The following CDH13 variants were observed in gnomAD, a reference collection of about 807,000 sequenced individuals.
The protein encoded by CDH13 is cadherin-13.
A neutral mutation model predicts 63.8 loss-of-function variants in CDH13; 24 were observed. That is an observed-to-expected ratio of 0.38 (90% confidence interval 0.27 to 0.53). The LOEUF is 0.53. Ranked by LOEUF, CDH13 falls within the 20% of genes least tolerant of loss-of-function variation. The pLI is 0.85. For missense variants in CDH13, 1,049 were observed against 903.1 expected, an observed-to-expected ratio of 1.16 and a Z score of -2.07; for synonymous variants, 503 against 355.3, an observed-to-expected ratio of 1.42 and a Z score of -4.67.
In CDH13 at chr16:83,053,440, A is replaced by G. The variant is rs1002318035; in HGVS notation, c.366+21222A>G. Reference sequence around the variant, plus strand: ...CATTAGGATAATGCAGATAAGATCAATTCACAGTAAGAAGATTTATCAAGG... The same window carrying G: ...CATTAGGATAATGCAGATAAGATCAGTTCACAGTAAGAAGATTTATCAAGG... On this transcript the variant is annotated intron_variant, in intron 3 of 13. Transcript: ENST00000567109. 3.3e-5 allele frequency among the ~76,000 whole-genome samples: 5 copies of G among 152,284 alleles called. No individual in the cohort carries two copies. In the South Asian group the frequency reaches 6.2e-4, roughly 19 times the overall value.
intron 1 of CDH13, among the ~76,000 whole-genome samples, chr16:82,754,891 T>C (rs751666316): frequency 1.3e-5 from 2 of 152,228 alleles, no homozygotes; most frequent in Non-Finnish European, 2.9e-5. Flanking sequence ...GAAAGGTATT[T>C]TTGGTTCATT....
intron 6 of CDH13, among the ~76,000 whole-genome samples, chr16:83,485,003 G>A (rs533192887): frequency 1.3e-5 from 2 of 152,242 alleles, no homozygotes; most frequent in African/African-American, 4.8e-5. Context: ...TTCTCTTCTG[G>A]TGCTGAACCC....
chr16:82,767,552 T>G (rs2035101262), intron 1 of CDH13, among the ~76,000 whole-genome samples: 1 of 152,242 alleles, frequency 6.6e-6, no homozygotes, highest in Non-Finnish European at 1.5e-5. Context: ...AAATTCCCTG[T>G]GCCAAACACA....
At chr16:83,623,123 A>G (rs1341930635) in intron 8 of CDH13, among the ~76,000 whole-genome samples, 2 of 152,164 alleles carry the variant, frequency 1.3e-5, no homozygotes, top group Non-Finnish European at 2.9e-5. Context: ...GGTTAGCACA[A>G]TCCAGGAAGA....
At chr16:83,593,589 T>C (rs1393470921) in intron 7 of CDH13, among the ~76,000 whole-genome samples, 5 of 151,242 alleles carry the variant, frequency 3.3e-5, no homozygotes, top group Non-Finnish European at 7.4e-5. Flanking sequence ...TATATTTATG[T>C]AATAGTGTAT....
At chr16:82,786,373 A>T (rs928799661) in intron 1 of CDH13, among the ~76,000 whole-genome samples, 2 of 152,040 alleles carry the variant, frequency 1.3e-5, no homozygotes, top group Non-Finnish European at 2.9e-5. Flanking sequence ...AATCACTTCC[A>T]AAAGTGTCTA....
chr16:83,788,238 G>C (rs1042594055), intron 13 of CDH13, among the ~76,000 whole-genome samples: 2 of 152,146 alleles, frequency 1.3e-5, no homozygotes, highest in African/African-American at 4.8e-5. Context: ...TCACGGTTCA[G>C]CTACTCGGGA....
At chr16:82,998,168 C>T (rs998247428) in intron 2 of CDH13, among the ~76,000 whole-genome samples, 6 of 152,144 alleles carry the variant, frequency 3.9e-5, no homozygotes, top group South Asian at 2.1e-4. Flanking sequence ...TTTTATATTT[C>T]GTCATACAGA....
chr16:83,691,614 AG>A lies in CDH13; in HGVS notation c.1538+13154del, dbSNP rs1415909962. ...GGTGGGTCACAAGGTCAGGAGTTCAAGACCAGCACAGTTCCGTACAACGGTG... is the reference window on the plus strand; with the variant it reads ...GGTGGGTCACAAGGTCAGGAGTTCAAACCAGCACAGTTCCGTACAACGGTG... On this transcript the variant is annotated intron_variant, in intron 10 of 13. Coordinates refer to ENST00000567109, the MANE Select transcript of CDH13 (RefSeq NM_001257.5). 3.3e-5 allele frequency among the ~76,000 whole-genome samples: 5 copies of A among 152,080 alleles called. No homozygotes were observed. In the East Asian group the frequency reaches 9.7e-4, roughly 29 times the overall value.
At chr16:82,791,738 C>T (rs564470381) in intron 1 of CDH13, among the ~76,000 whole-genome samples, 9 of 152,308 alleles carry the variant, frequency 5.9e-5, no homozygotes, top group Admixed American at 3.9e-4. Context: ...CCATTGTTCC[C>T]GCAAGGCTAA....
chr16:83,781,138 C>G (rs912614443), intron 12 of CDH13, among the ~76,000 whole-genome samples: 1 of 152,158 alleles, frequency 6.6e-6, no homozygotes, highest in Non-Finnish European at 1.5e-5. Context: ...AATGTCTCCT[C>G]CCACAAGTCC....
chr16:82,635,528 A>G lies in CDH13; in HGVS notation c.45+8391A>G, dbSNP rs140092214. 1.3e-3 allele frequency among the ~76,000 whole-genome samples: 192 copies of G among 152,246 alleles called. 2 individuals carry two copies. The highest frequency in any genetic ancestry group is 2.2e-3 in the Non-Finnish European group (147 of 67,996). ...GAATATTGGTGTTTTTCTCAGAGCA[A>G]GTGGCAGCCATTGAGGGTACTGAGG... On this transcript the variant is annotated intron_variant, in intron 1 of 13. Transcript: ENST00000567109.
At chr16:83,211,228 C>G (rs752201645) in intron 4 of CDH13, among the ~76,000 whole-genome samples, 2 of 151,662 alleles carry the variant, frequency 1.3e-5, no homozygotes, top group Non-Finnish European at 2.9e-5. Context: ...AGTCAAGTAT[C>G]AGTGTTAATT....
At chr16:83,629,919 T>C (rs765622491) in intron 8 of CDH13, among the ~76,000 whole-genome samples, 1 of 152,192 alleles carries the variant, frequency 6.6e-6, no homozygotes, top group Non-Finnish European at 1.5e-5. Context: ...GATGGGACAG[T>C]CTAGAACCAT....
chr16:83,031,965 G>T, intron 2 of CDH13, 45 bp from the exon 3 acceptor site: 1 of 1,464,936 alleles, frequency 6.8e-7, no homozygotes, highest in Non-Finnish European at 9.4e-7. Context: ...GAGATAAGCT[G>T]CCCAACCTAC....
chr16:82,889,782 T>C (rs2041015727), intron 2 of CDH13, among the ~76,000 whole-genome samples: 1 of 152,202 alleles, frequency 6.6e-6, no homozygotes, highest in Non-Finnish European at 1.5e-5. Flanking sequence ...CATTTGAAAG[T>C]CCATTTCTTT....
intron 7 of CDH13, among the ~76,000 whole-genome samples, chr16:83,600,078 T>G (rs1229846475): frequency 6.6e-6 from 1 of 152,152 alleles, no homozygotes; most frequent in East Asian, 1.9e-4. Context: ...TTCAAGCATC[T>G]ATACCGAGAG....
intron 8 of CDH13, among the ~76,000 whole-genome samples, chr16:83,632,274 C>A (rs62040229): frequency 1.0e-3 from 3 of 3,012 alleles, no homozygotes; most frequent in Non-Finnish European, 3.0e-3. Flanking sequence ...AGAGACGTGT[C>A]CTACAGTGAA....
intron 3 of CDH13, among the ~76,000 whole-genome samples, chr16:83,072,579 A>G (rs975301736): frequency 2.0e-5 from 3 of 152,208 alleles, no homozygotes; most frequent in African/African-American, 4.8e-5. Context: ...ACTTGAAGTC[A>G]GAACAGTTGG....
Sources: gnomAD v4.1 joint callset for allele counts (sites outside exome capture counted in the v4.1 genomes callset) on GRCh38, gnomAD v4.1.1 for gene constraint, MANE v1.5 for transcripts, NCBI Gene and HGNC (gene_info 2026-07-23, HGNC 2026-07-21) for gene names.